Variants in NECAB3 observed in about 807,000 individuals in gnomAD.
NECAB3 encodes the protein N-terminal EF-hand calcium binding protein 3.
A neutral mutation model predicts 57.2 loss-of-function variants in NECAB3; 38 were observed. The ratio of observed to expected loss-of-function variants is 0.66; its 90% CI spans 0.51 to 0.87. NECAB3 has a LOEUF of 0.87. NECAB3 is among the 40% of genes least tolerant of loss of function. The pLI is 0.00. For missense variants in NECAB3, 474 were observed against 527.5 expected (o/e 0.90, Z 0.99); for synonymous variants, 223 against 222.6 (o/e 1.00, Z -0.02).
upstream of NECAB3, chr20:33,674,949 G>A (rs1601182527): frequency 6.6e-6 from 1 of 152,114 alleles, no homozygotes; most frequent in Non-Finnish European, 1.5e-5. Flanking sequence ...CAGCAGCCGG[G>A]GGGAGCTTTT....
In NECAB3 at chr20:33,660,346, A is replaced by G. The variant is rs749836558; in HGVS notation, c.437T>C (p.Leu146Pro). Reference sequence around the variant, plus strand: ...TTGCAGCTGGCTCACCGTCTCCCGCAGCAGGAAGCGCGTCACAAACTGGTC... The same window carrying G: ...TTGCAGCTGGCTCACCGTCTCCCGCGGCAGGAAGCGCGTCACAAACTGGTC... ...KVDQFVTRFL[L>P]RETVSQLQAL... is the part of the protein sequence containing the mutation. Residue 146 changes from leucine (L) to proline (P), a missense_variant, in exon 6 of 12, where the codon CTG (leucine) becomes CCG (proline). By Grantham distance (98) the Leu-to-Pro change is moderately conservative (BLOSUM62 -3). Transcript: ENST00000246190. The surrounding 1 kb of genome is among the most constrained non-coding windows in gnomAD (Gnocchi z 4.1). 1 of 1,613,626 alleles carries G rather than the reference A, an allele frequency of 6.2e-7. No individual in the cohort carries two copies. Among genetic ancestry groups the G allele is most frequent in the Non-Finnish European group, 8.5e-7 (1 of 1,179,994 alleles).
chr20:33,659,644 G>A lies in NECAB3; in HGVS notation c.732C>T (p.Ala244=), dbSNP rs367983439. Residue 244 remains alanine (A), a synonymous_variant, in exon 8 of 12, where the codon GCC becomes GCT. Coordinates refer to ENST00000246190, the MANE Select transcript of NECAB3 (RefSeq NM_031232.4). ...LIDQLECKVR[A]VGPGPHKGGP... is the part of the protein sequence containing the mutation. ...CTCCCTTGTGGGGCCCTGGCCCCAC[G>A]GCCCTCACCTTGCACTCGAGCTGGT... 3.7e-6 allele frequency: 6 copies of A among 1,610,704 alleles called. No individual in the cohort carries two copies. The African/African-American group carries it at 5.3e-5, about 14-fold the overall frequency.
chr20:33,666,042 C>T lies in NECAB3; in HGVS notation c.387+3333G>A, dbSNP rs988476276. Among the ~76,000 whole-genome samples, 8 of 152,280 alleles carry T rather than the reference C, an allele frequency of 5.3e-5. No homozygotes were observed. The East Asian group carries it at 1.3e-3, about 26-fold the overall frequency. On this transcript the variant is annotated intron_variant, in intron 5 of 11. Transcript: ENST00000246190. ...AGGTTGCACTGAGCTGAGATTGCAA[C>T]GCTGCACGCCCAGCCTGGGTGACCG...
At position 33,658,679 on chromosome 20, in the gene NECAB3, C is replaced by T. The variant is rs937210839; in HGVS notation, c.992+43G>A. The T allele has an allele frequency of 3.1e-6, 5 of 1,601,132 alleles. No individual in the cohort carries two copies. The African/African-American group carries it at 5.4e-5, about 17-fold the overall frequency. ...CAGCCCCAGCACCCCTCTCTGCTCA[C>T]CCCCTCCCCACTGGCCATCCCACCT... On this transcript the variant is annotated intron_variant, in intron 9 of 11. Coordinates refer to ENST00000246190, the MANE Select transcript of NECAB3 (RefSeq NM_031232.4).
At chr20:33,674,444 C>A, upstream of NECAB3, 1 of 1,019,238 alleles carries the variant, frequency 9.8e-7, no homozygotes, top group Non-Finnish European at 1.2e-6. Flanking sequence ...CCCTTGGCGC[C>A]GGCGCCGACG....
At position 33,670,912 on chromosome 20, in the gene NECAB3, A is replaced by T. The variant is rs181876340; in HGVS notation, c.155-120T>A. 4.4e-5 allele frequency: 29 copies of T among 666,116 alleles called. No individual in the cohort carries two copies. The East Asian group carries it at 7.7e-4, about 18-fold the overall frequency. 41.3% of individuals were successfully genotyped at this position (666,116 alleles called of 1,614,324 possible). A position where few individuals can be genotyped will look rare whatever the true frequency, so the allele number is the denominator to read the frequency against. ...CATCTGACAACCATCTAGCTAGGTG[A>T]GATGGGAGTCTGAGGTCAGTGGGGG... is the stretch of plus-strand genomic sequence containing the variant. On this transcript the variant is annotated intron_variant, in intron 2 of 11. Coordinates refer to ENST00000246190, the MANE Select transcript of NECAB3 (RefSeq NM_031232.4).
intron 2 of NECAB3, 118 bp from the exon 3 acceptor site, chr20:33,670,910 T>TGA (rs1356299699): frequency 1.5e-6 from 1 of 671,034 alleles, no homozygotes; most frequent in Admixed American, 2.6e-5. Context: ...TCTAGCTAGG[T>TGA]GAGATGGGAG....
At chr20:33,668,707 T>C (rs1475521053) in intron 5 of NECAB3, among the ~76,000 whole-genome samples, 1 of 152,208 alleles carries the variant, frequency 6.6e-6, no homozygotes, top group Non-Finnish European at 1.5e-5. Flanking sequence ...CAGTTTCCCC[T>C]TCTGTAAAAA....
Position 33,659,967 on chromosome 20 carries a change from G to A in NECAB3, c.561C>T (p.Leu187=), listed in dbSNP as rs763136485. Residue 187 remains leucine, a synonymous_variant, in exon 7 of 12, where the codon CTC becomes CTT. Transcript: ENST00000246190. ...GGCGTCCTGCCCGCCGGCTGCCGCA[G>A]AGCCTGCTCTGCGCCTCCACGCTCT... is the stretch of plus-strand genomic sequence containing the variant. The part of the protein sequence containing the change: ...DAESVEAQSR[L]CGSRRAGRRA... 1.3e-6 allele frequency: 2 copies of A among 1,563,728 alleles called. No homozygotes were observed. The highest frequency in any genetic ancestry group is 1.3e-5 in the African/African-American group (1 of 74,172).
At chr20:33,663,880 G>T in intron 5 of NECAB3, 1 of 1,384,008 alleles carries the variant, frequency 7.2e-7, no homozygotes, top group South Asian at 1.6e-5. Flanking sequence ...GCTTGGCCCG[G>T]ACCCCGCCCA....
intron 5 of NECAB3, chr20:33,662,171 G>C (rs918677843): frequency 1.3e-6 from 1 of 794,480 alleles, no homozygotes; most frequent in Admixed American, 3.1e-5. Flanking sequence ...TTACAGCTGA[G>C]AAACCAAGGC....
chr20:33,669,916 G>A (rs1485405781), intron 3 of NECAB3, among the ~76,000 whole-genome samples: 1 of 152,202 alleles, frequency 6.6e-6, no homozygotes, highest in Admixed American at 6.5e-5. Flanking sequence ...ATCACTCTAA[G>A]GGCAAAGATT....
chr20:33,662,457 C>G (rs955531744), intron 5 of NECAB3: 3 of 1,551,544 alleles, frequency 1.9e-6, no homozygotes, highest in Admixed American at 2.0e-5. Flanking sequence ...CCACCTCACT[C>G]GGAAGAAGCC....
chr20:33,663,821 A>C, intron 5 of NECAB3: 3 of 1,382,006 alleles, frequency 2.2e-6, no homozygotes, highest in Non-Finnish European at 2.8e-6. Flanking sequence ...GGCCCCGCCG[A>C]GGAGCAGCCG....
At chr20:33,667,389 C>T in intron 5 of NECAB3, 20 of 1,367,114 alleles carry the variant, frequency 1.5e-5, no homozygotes, top group Non-Finnish European at 1.9e-5. Flanking sequence ...TGCGGGTGTG[C>T]CCAGAGCAGT....
At chr20:33,674,014 A>AGCAGGG (rs1195411346) in intron 1 of NECAB3, among the ~76,000 whole-genome samples, 3 of 152,200 alleles carry the variant, frequency 2.0e-5, no homozygotes, top group African/African-American at 7.2e-5. Flanking sequence ...GGTGGGAGGC[A>AGCAGGG]GCAGGGGCAG....
chr20:33,674,803 G>C (rs1288754817), upstream of NECAB3: 1 of 152,258 alleles, frequency 6.6e-6, no homozygotes, highest in Admixed American at 6.5e-5. Flanking sequence ...CTTACAACGG[G>C]GGCTGGCGCA....
chr20:33,670,755 G>C lies in NECAB3; in HGVS notation c.192C>G (p.Tyr64Ter). Residue 64 changes from tyrosine (Y) to a stop codon, truncating the protein, a stop_gained, in exon 3 of 12, where the codon TAC (tyrosine) becomes TAG (stop). Coordinates refer to ENST00000246190, the MANE Select transcript of NECAB3 (RefSeq NM_031232.4). LOFTEE classifies it high-confidence loss of function. ...CCAGGCTGAGAACCCCATCGGCAAA[G>C]TAATTCTGGAATTCCTCAAATGAGA... The part of the protein sequence containing the change: ...GKLSFEEFQN[Y>*]FADGVLSLGE... 2 of 1,613,926 alleles carry C rather than the reference G, an allele frequency of 1.2e-6. No homozygotes were observed.
intron 1 of NECAB3, among the ~76,000 whole-genome samples, chr20:33,672,693 G>A (rs759948856): frequency 8.5e-5 from 13 of 152,118 alleles, no homozygotes; most frequent in South Asian, 2.1e-4. Flanking sequence ...AGTCCCCTGC[G>A]TCCCCACCTC....
Sources: gnomAD v4.1 joint callset for allele counts (sites outside exome capture counted in the v4.1 genomes callset) on GRCh38, gnomAD v4.1.1 for gene constraint, Gnocchi (gnomAD v3.1) non-coding constraint, MANE v1.5 for transcripts, NCBI Gene and HGNC (gene_info 2026-07-23, HGNC 2026-07-21) for gene names.